The following FUT8 variants were observed in gnomAD, a reference collection of about 807,000 sequenced individuals.
The protein encoded by FUT8 is fucosyltransferase 8.
In FUT8, 29 loss-of-function variants were observed where a neutral mutation model predicts 71.3. The observed-to-expected ratio is 0.41, with a 90% CI of 0.30 to 0.55. The LOEUF (loss-of-function observed/expected upper bound fraction) is 0.55. Ranked by LOEUF, FUT8 falls within the 20% of genes least tolerant of loss-of-function variation. FUT8 has a pLI of 0.34. For missense variants in FUT8, 544 were observed against 702.1 expected (o/e 0.77, Z 2.55); for synonymous variants, 254 against 239.3 (o/e 1.06, Z -0.57).
Position 65,483,248 on chromosome 14 carries a change from C to T in FUT8, c.-228+27530C>T, listed in dbSNP as rs1046621941. Among the ~76,000 whole-genome samples, 1 of 152,164 alleles carries T rather than the reference C, an allele frequency of 6.6e-6. No homozygotes were observed. The highest frequency in any genetic ancestry group is 6.5e-5 in the Admixed American group (1 of 15,268). On this transcript the variant is annotated intron_variant, in intron 2 of 10. Transcript: ENST00000673929. This position sits in a 1 kb window ranked among gnomAD's most constrained non-coding sequence, Gnocchi z 4.4. ...CTCTCCAACAAGGTCTGGATCTCAG[C>T]CCTGGGATGGTTTAGGGTCGGAGGA... is the stretch of plus-strand genomic sequence containing the variant.
At chr14:65,376,626 G>C in the FUT8 span, among the ~76,000 whole-genome samples, 23 of 146,706 alleles carry the variant, frequency 1.6e-4, no homozygotes, top group Admixed American at 9.5e-4. Flanking sequence ...TGGTCAGGCT[G>C]GTCTTGAACT....
chr14:65,546,408 A>G (rs1884987273), intron 2 of FUT8, among the ~76,000 whole-genome samples: 1 of 151,838 alleles, frequency 6.6e-6, no homozygotes, highest in Non-Finnish European at 1.5e-5. Flanking sequence ...TTGGCCGAAA[A>G]TAGAGTCATA....
intron 2 of FUT8, among the ~76,000 whole-genome samples, chr14:65,484,361 G>A (rs1283822722): frequency 1.3e-5 from 2 of 152,172 alleles, no homozygotes; most frequent in East Asian, 3.8e-4. Context: ...AATTAAGTAT[G>A]ATGTTGTAGA....
In FUT8 at chr14:65,669,267, A is replaced by C; in HGVS notation, c.622A>C (p.Lys208Gln). The change falls in exon 7 of 11, where the codon AAA (lysine) becomes CAA (glutamine). Residue 208 changes from lysine (K) to glutamine (Q), a missense_variant. Physicochemically the swap from Lys to Gln is moderately conservative, Grantham distance 53. Coordinates refer to ENST00000673929, the MANE Select transcript of FUT8 (RefSeq NM_001371533.1). This position sits in a 1 kb window ranked among gnomAD's most constrained non-coding sequence, Gnocchi z 4.5. ...GAATCCCAAGGACTGCAGCAAAGCCAAAAAGCTGGTGTGTAATATCAACAA... is the reference window on the plus strand; with the variant it reads ...GAATCCCAAGGACTGCAGCAAAGCCCAAAAGCTGGTGTGTAATATCAACAA... ...LQNPKDCSKA[K>Q]KLVCNINKGC... 1 of 1,613,612 alleles carries C rather than the reference A, an allele frequency of 6.2e-7. No individual in the cohort carries two copies. Among genetic ancestry groups the C allele is most frequent in the Non-Finnish European group, 8.5e-7 (1 of 1,179,750 alleles).
intron 2 of FUT8, among the ~76,000 whole-genome samples, chr14:65,477,938 A>G (rs2066272475): frequency 6.6e-6 from 1 of 152,062 alleles, no homozygotes; most frequent in Non-Finnish European, 1.5e-5. Flanking sequence ...GCATCAGTGA[A>G]GGCAGCAGAA....
upstream of FUT8, among the ~76,000 whole-genome samples, chr14:65,407,364 T>G (rs972681743): frequency 1.3e-5 from 2 of 152,230 alleles, no homozygotes; most frequent in Non-Finnish European, 2.9e-5. Flanking sequence ...GTAAGAAGAT[T>G]GGATTGAATC....
chr14:65,619,606 G>C (rs1158072218), intron 5 of FUT8, among the ~76,000 whole-genome samples: 1 of 152,152 alleles, frequency 6.6e-6, no homozygotes. Flanking sequence ...TCAACTGGTA[G>C]TAATTAGTAA....
chr14:65,362,509 TCAAA>T, the FUT8 span, among the ~76,000 whole-genome samples: 59 of 151,438 alleles, frequency 3.9e-4, no homozygotes, highest in South Asian at 8.3e-4. Flanking sequence ...GACCCCCATC[TCAAA>T]CAAACAAACA....
At chr14:65,560,743 C>G (rs1885874308) in intron 2 of FUT8, among the ~76,000 whole-genome samples, 1 of 152,146 alleles carries the variant, frequency 6.6e-6, no homozygotes, top group African/African-American at 2.4e-5. Flanking sequence ...ACCTTTGCTT[C>G]TGATATTTGG....
intron 3 of FUT8, among the ~76,000 whole-genome samples, chr14:65,575,812 T>G (rs905767807): frequency 2.6e-5 from 4 of 151,876 alleles, no homozygotes; most frequent in Non-Finnish European, 5.9e-5. Flanking sequence ...TAAAGACGGG[T>G]TTTTGCCATG....
intron 1 of FUT8, among the ~76,000 whole-genome samples, chr14:65,454,650 A>C (rs1027327477): frequency 6.6e-6 from 1 of 152,234 alleles, no homozygotes; most frequent in African/African-American, 2.4e-5. Context: ...AATGTCAATC[A>C]GAGAAAAATC....
At position 65,487,997 on chromosome 14, in the gene FUT8, A is replaced by AT. The variant is rs558990808; in HGVS notation, c.-228+32287dup. ...TGTGTGCCACCACGTCTGGCTAAAAATTTTTTTTAGACATGGGTCTTGCTA... is the reference window on the plus strand; with the variant it reads ...TGTGTGCCACCACGTCTGGCTAAAAATTTTTTTTTAGACATGGGTCTTGCTA... On this transcript the variant is annotated intron_variant, in intron 2 of 10. Transcript: ENST00000673929. 1.6e-4 allele frequency among the ~76,000 whole-genome samples: 25 copies of AT among 151,842 alleles called. No homozygotes were observed. The South Asian group carries it at 2.5e-3, about 15-fold the overall frequency.
chr14:65,357,534 G>A, the FUT8 span, among the ~76,000 whole-genome samples: 4 of 152,282 alleles, frequency 2.6e-5, no homozygotes, highest in African/African-American at 9.6e-5. Context: ...CCCCTTAATG[G>A]CCATGATTTG....
intron 6 of FUT8, among the ~76,000 whole-genome samples, chr14:65,635,551 T>C (rs539320768): frequency 8.3e-4 from 126 of 152,366 alleles, no homozygotes; most frequent in Admixed American, 1.8e-3. Flanking sequence ...AAAGCGATGC[T>C]GGATTTTGTT....
At chr14:65,734,097 C>T (rs757064398) in intron 10 of FUT8, among the ~76,000 whole-genome samples, 8 of 152,040 alleles carry the variant, frequency 5.3e-5, no homozygotes, top group African/African-American at 1.4e-4. Context: ...CTGTTAAATG[C>T]ACTCAAAATT....
intron 2 of FUT8, among the ~76,000 whole-genome samples, chr14:65,514,421 A>G (rs1318793028): frequency 6.6e-6 from 1 of 152,254 alleles, no homozygotes; most frequent in Non-Finnish European, 1.5e-5. Flanking sequence ...TCTGCCGAAT[A>G]CAAGAGGAAA....
At chr14:65,508,594 G>A (rs906632466) in intron 2 of FUT8, among the ~76,000 whole-genome samples, 8 of 128,348 alleles carry the variant, frequency 6.2e-5, no homozygotes, top group African/African-American at 1.4e-4. Context: ...TCCACCTCCC[G>A]GGTTCAAGCA....
At chr14:65,709,072 C>G (rs1485562274) in intron 7 of FUT8, among the ~76,000 whole-genome samples, 2 of 152,066 alleles carry the variant, frequency 1.3e-5, no homozygotes, top group African/African-American at 2.4e-5. Context: ...TGTAATCTTT[C>G]TACAACGTAT....
intron 2 of FUT8, among the ~76,000 whole-genome samples, chr14:65,533,733 G>A (rs1489520093): frequency 2.6e-5 from 4 of 151,962 alleles, no homozygotes; most frequent in Non-Finnish European, 5.9e-5. Context: ...TTCAGCTTTT[G>A]CCCATTCAGT....
Sources: gnomAD v4.1 joint callset for allele counts (sites outside exome capture counted in the v4.1 genomes callset) on GRCh38, gnomAD v4.1.1 for gene constraint, Gnocchi (gnomAD v3.1) non-coding constraint, MANE v1.5 for transcripts, NCBI Gene and HGNC (gene_info 2026-07-23, HGNC 2026-07-21) for gene names.